Variants in ALOX15B observed in about 807,000 individuals in gnomAD.
ALOX15B encodes arachidonate 15-lipoxygenase type B, also known as polyunsaturated fatty acid lipoxygenase ALOX15B.
ALOX15B carries 74 observed loss-of-function variants against 73.8 expected under a neutral mutation model. The ratio of observed to expected loss-of-function variants is 1.00; its 90% confidence interval spans 0.83 to 1.22. The LOEUF is 1.22. Among genes scored for constraint, ALOX15B ranks in the 50% most tolerant of loss-of-function variants. The pLI, the probability that ALOX15B is intolerant of heterozygous loss-of-function variation, is 0.00. For synonymous variants in ALOX15B, 353 were observed against 357.2 expected (o/e 0.99, Z 0.13); for missense variants, 896 against 859.9 (o/e 1.04, Z -0.52).
chr17:8,040,587 GAGAA>G (rs1483401524), intron 3 of ALOX15B, among the ~76,000 whole-genome samples: 67 of 114,750 alleles, frequency 5.8e-4, no homozygotes, highest in African/African-American at 2.2e-3. Context: ...GAAGGAAAGA[GAGAA>G]AGAAAGAGAG....
chr17:8,048,327 G>A (rs1443181053), intron 13 of ALOX15B, 59 bp from the exon 14 acceptor site: 1 of 1,555,786 alleles, frequency 6.4e-7, no homozygotes, highest in African/African-American at 1.4e-5. Flanking sequence ...GTGGGGACCA[G>A]GAGTCTGGGA....
At chr17:8,045,412 C>A in intron 7 of ALOX15B, 28 bp downstream of exon 7, 3 of 1,613,716 alleles carry the variant, frequency 1.9e-6, no homozygotes, top group Non-Finnish European at 2.5e-6. Context: ...GGCAGGGCAG[C>A]GTGAAGAAGA....
At position 8,047,356 on chromosome 17, in the gene ALOX15B, G is replaced by C; in HGVS notation, c.1556G>C (p.Gly519Ala). The C allele has an allele frequency of 1.2e-6, 2 of 1,614,028 alleles. No individual in the cohort carries two copies. The highest frequency in any genetic ancestry group is 1.7e-6 in the Non-Finnish European group (2 of 1,179,972). ...QAWVREIFSK[G>A]FLNQESSGIP... ...TGGGTCAGAGAGATCTTCTCCAAGG[G>C]CTTCCTAAACCAGGAGAGCTCAGGT... is the stretch of plus-strand genomic sequence containing the variant. Residue 519 changes from glycine (G) to alanine (A), a missense_variant, in exon 11 of 14, where the codon GGC (glycine) becomes GCC (alanine). Physicochemically the swap from Gly to Ala is moderately conservative, Grantham distance 60. Transcript: ENST00000380183.
chr17:8,045,270 C>A lies in ALOX15B; in HGVS notation c.882C>A (p.Ile294=). The change falls in exon 7 of 14, where the codon ATC becomes ATA. Residue 294 remains isoleucine, a synonymous_variant. Transcript: ENST00000380183. ...CCCTGTTCTTGGTGGATCACGGCAT[C>A]CTCTCTGGCATCCAGACCAATGTCA... is the stretch of plus-strand genomic sequence containing the variant. ...KGSLFLVDHG[I]LSGIQTNVIN... 2 of 1,614,200 alleles carry A rather than the reference C, an allele frequency of 1.2e-6. No homozygotes were observed. Among genetic ancestry groups the A allele is most frequent in the Non-Finnish European group, 1.7e-6 (2 of 1,180,032 alleles).
In ALOX15B at chr17:8,039,067, T is replaced by A; in HGVS notation, c.-89T>A. ...CCACTGGGCTTGGAGTCAGTGGCAA[T>A]AACCAGGGGCAATAACCAGGCGTGT... On this transcript the variant is annotated 5_prime_UTR_variant, in exon 1 of 14. Transcript: ENST00000380183. The A allele has an allele frequency of 7.9e-7, 1 of 1,271,976 alleles. No individual in the cohort carries two copies. The highest frequency in any genetic ancestry group is 1.0e-6 in the Non-Finnish European group (1 of 980,078). 78.8% of individuals were successfully genotyped at this position (1,271,976 alleles called of 1,614,324 possible).
At chr17:8,045,409 C>T in intron 7 of ALOX15B, 25 bp downstream of exon 7, 8 of 1,613,814 alleles carry the variant, frequency 5.0e-6, no homozygotes, top group Non-Finnish European at 5.1e-6. Flanking sequence ...AGGGGCAGGG[C>T]AGCGTGAAGA....
At position 8,046,980 on chromosome 17, in the gene ALOX15B, T is replaced by C. The variant is rs750225223; in HGVS notation, c.1361T>C (p.Leu454Pro). The C allele has an allele frequency of 3.7e-6, 6 of 1,614,036 alleles. No individual in the cohort carries two copies. The highest frequency in any genetic ancestry group is 5.1e-6 in the Non-Finnish European group (6 of 1,180,036). ...ATGAAGCAGCTGAACTATTCTCTCC[T>C]GTGTCTGCCTGAGGATATCCGGACC... The part of the protein sequence containing the change: ...RNMKQLNYSL[L>P]CLPEDIRTRG... The change falls in exon 10 of 14, where the codon CTG becomes CCG. Residue 454 changes from leucine (L) to proline (P), a missense_variant. Physicochemically the swap from Leu to Pro is moderately conservative, Grantham distance 98. Transcript: ENST00000380183.
In ALOX15B at chr17:8,048,906, C is replaced by T. The variant is rs375998029; in HGVS notation, c.*341C>T. ...CAGCCGTGGGGGGAAGCACATAATC[C>T]CGCCCCAGGGCCCACTAGCATCCAC... On this transcript the variant is annotated 3_prime_UTR_variant, in exon 14 of 14. Coordinates refer to ENST00000380183, the MANE Select transcript of ALOX15B (RefSeq NM_001141.3). 1.8e-3 allele frequency: 345 copies of T among 194,202 alleles called. 4 individuals are homozygous for T. Among genetic ancestry groups the T allele is most frequent in the African/African-American group, 7.7e-3 (331 of 42,914 alleles). The allele number at this position is 194,202 out of a possible 1,614,324, so 12.0% of individuals were successfully genotyped here.
chr17:8,039,877 C>G, intron 2 of ALOX15B, 25 bp from the exon 3 acceptor site: 1 of 1,599,796 alleles, frequency 6.3e-7, no homozygotes. Flanking sequence ...TCTCCCCACC[C>G]CAACCTACTC....
chr17:8,041,820 G>A (rs139412047), intron 3 of ALOX15B, among the ~76,000 whole-genome samples: 192 of 152,356 alleles, frequency 1.3e-3, no homozygotes, highest in Admixed American at 2.2e-3. Context: ...CCTACCAAAG[G>A]CAACTGAAAC....
At position 8,046,697 on chromosome 17, in the gene ALOX15B, G is replaced by T; in HGVS notation, c.1230G>T (p.Leu410=). The T allele has an allele frequency of 6.2e-7, 1 of 1,613,958 alleles. No homozygotes were observed. The highest frequency in any genetic ancestry group is 8.5e-7 in the Non-Finnish European group (1 of 1,179,942). Reference sequence around the variant, plus strand: ...TGATCCCGCACACCCGATACACCCTGCACATCAACACACTCGCCCGGGAGC... The same window carrying T: ...TGATCCCGCACACCCGATACACCCTTCACATCAACACACTCGCCCGGGAGC... ...KLLIPHTRYT[L]HINTLARELL... The change falls in exon 9 of 14, where the codon CTG becomes CTT. Residue 410 remains leucine, a synonymous_variant. Coordinates refer to ENST00000380183, the MANE Select transcript of ALOX15B (RefSeq NM_001141.3).
chr17:8,046,781 G>T, intron 9 of ALOX15B, 27 bp downstream of exon 9: 1 of 1,613,280 alleles, frequency 6.2e-7, no homozygotes, highest in Non-Finnish European at 8.5e-7. Context: ...GGAGGGAGTA[G>T]GCAGGCCACT....
chr17:8,047,443 C>T, intron 11 of ALOX15B, 64 bp downstream of exon 11: 1 of 1,604,388 alleles, frequency 6.2e-7, no homozygotes, highest in Non-Finnish European at 8.5e-7. Flanking sequence ...CCACCCCCTG[C>T]AGAGCACGCA....
chr17:8,045,777 C>T, intron 8 of ALOX15B, 91 bp downstream of exon 8: 1 of 1,415,186 alleles, frequency 7.1e-7, no homozygotes, highest in Non-Finnish European at 9.7e-7. Context: ...TCCATGCAAG[C>T]TGGGATGCAG....
At chr17:8,044,155 A>AAGGAAGGAAGGAAGGAAGGAAG (rs1976540367) in intron 5 of ALOX15B, among the ~76,000 whole-genome samples, 1 of 52,348 alleles carries the variant, frequency 1.9e-5, no homozygotes, top group African/African-American at 7.0e-5. Flanking sequence ...AAGGAAGGAA[A>AAGGAAGGAAGGAAGGAAGGAAG]GAAAGAAAAG....
rs1221296508 is a variant in ALOX15B, at chr17:8,044,142, AGG to A, written c.677-686_677-685del. ...AAGGAAGGAAGGAAGGAAGGAAGGA[AGG>A]AAGGAAGGAAAGAAAGAAAAGGAAA... is the stretch of plus-strand genomic sequence containing the variant. On this transcript the variant is annotated intron_variant, in intron 5 of 13. Coordinates refer to ENST00000380183, the MANE Select transcript of ALOX15B (RefSeq NM_001141.3). Among the ~76,000 whole-genome samples, 437 of 150,006 alleles carry A rather than the reference AGG, an allele frequency of 2.9e-3. 15 individuals carry two copies. The highest frequency in any genetic ancestry group is 8.8e-3 in the African/African-American group (357 of 40,628).
intron 3 of ALOX15B, among the ~76,000 whole-genome samples, chr17:8,040,280 C>T (rs1276734422): frequency 6.6e-6 from 1 of 152,044 alleles, no homozygotes; most frequent in Non-Finnish European, 1.5e-5. Flanking sequence ...CGTGGTGGCT[C>T]ACACCTGTAA....
At position 8,048,573 on chromosome 17, in the gene ALOX15B, G is replaced by A. The variant is rs770693536; in HGVS notation, c.*8G>A. The A allele has an allele frequency of 4.3e-6, 7 of 1,612,050 alleles. No individual in the cohort carries two copies. The South Asian group carries it at 6.6e-5, about 15-fold the overall frequency. ...AACAGCGTCTCCATCTAAATCCCAG[G>A]GGAACACAGGCCCAGATGACATCCC... On this transcript the variant is annotated 3_prime_UTR_variant, in exon 14 of 14. Coordinates refer to ENST00000380183, the MANE Select transcript of ALOX15B (RefSeq NM_001141.3).
At chr17:8,042,716 T>A in intron 4 of ALOX15B, 65 bp from the exon 5 acceptor site, 6 of 1,460,278 alleles carry the variant, frequency 4.1e-6, no homozygotes, top group Non-Finnish European at 5.6e-6. Flanking sequence ...GGCATAAGGC[T>A]GGCTGACAGG....
Sources: allele counts gnomAD v4.1 joint callset (sites outside exome capture counted in the v4.1 genomes callset), GRCh38; gene constraint gnomAD v4.1.1; transcripts MANE v1.5; gene names NCBI Gene and HGNC (gene_info 2026-07-23, HGNC 2026-07-21).